The following TCIRG1 variants were observed in gnomAD, a reference collection of about 807,000 sequenced individuals.
TCIRG1 encodes the protein T cell immune regulator 1, ATPase H+ transporting V0 subunit a3.
In TCIRG1, 86 loss-of-function variants were observed where a neutral mutation model predicts 95.5. The ratio of observed to expected loss-of-function variants is 0.90; its 90% confidence interval spans 0.76 to 1.08. TCIRG1 has a LOEUF of 1.08. Among genes scored for constraint, TCIRG1 ranks in the 50% least tolerant of loss-of-function variants. The pLI is 0.00. For missense variants in TCIRG1, 1,069 were observed against 1,140.2 expected, an observed-to-expected ratio of 0.94 and a Z score of 0.90; for synonymous variants, 499 against 501.3, an observed-to-expected ratio of 1.00 and a Z score of 0.06.
chr11:68,040,488 G>A (rs937430324), intron 1 of TCIRG1, among the ~76,000 whole-genome samples: 4 of 152,212 alleles, frequency 2.6e-5, no homozygotes, highest in African/African-American at 7.2e-5. Context: ...CTGGGCAGGC[G>A]GGGCCCTGAC....
At position 68,049,260 on chromosome 11, in the gene TCIRG1, A is replaced by G. The variant is rs886048599; in HGVS notation, c.1853A>G (p.His618Arg). 6.2e-7 allele frequency: 1 copy of G among 1,612,834 alleles called. No individual in the cohort carries two copies. The change falls in exon 15 of 20, where the codon CAC becomes CGC. Residue 618 changes from histidine (H) to arginine (R), a missense_variant. Coordinates refer to ENST00000265686, the MANE Select transcript of TCIRG1 (RefSeq NM_006019.4). ...TTCATCAACATGTTCCTCTTCTCCC[A>G]CAGCCCCAGCAACAGGCTGCTCTAC... ...IHFINMFLFS[H>R]SPSNRLLYPR...
At position 68,045,324 on chromosome 11, in the gene TCIRG1, C is replaced by G. The variant is rs575016615; in HGVS notation, c.1165+222C>G. Among the ~76,000 whole-genome samples the G allele has an allele frequency of 5.3e-5, 8 of 152,358 alleles. No homozygotes were observed. The South Asian group carries it at 8.3e-4, about 16-fold the overall frequency. On this transcript the variant is annotated intron_variant, in intron 10 of 19. Transcript: ENST00000265686. ...CCCCCTTGTTGAGTTTACAAGGGAG[C>G]CGGCACGGGCTTGTGCAAAGAACAG...
In TCIRG1 at chr11:68,047,639, C is replaced by T. The variant is rs188598855; in HGVS notation, c.1306-8C>T. The T allele has an allele frequency of 1.9e-4, 310 of 1,613,194 alleles. 2 individuals are homozygous for T. The highest frequency in any genetic ancestry group is 5.8e-4 in the Admixed American group (35 of 60,028). Reference sequence around the variant, plus strand: ...AGGCAGCCCCTCACCACACCACTGCCCCCCCAGATCTGGCAGACTTTCTTC... The same window carrying T: ...AGGCAGCCCCTCACCACACCACTGCTCCCCCAGATCTGGCAGACTTTCTTC... On this transcript the variant is annotated splice_polypyrimidine_tract_variant and splice_region_variant and intron_variant, in intron 11 of 19. Coordinates refer to ENST00000265686, the MANE Select transcript of TCIRG1 (RefSeq NM_006019.4).
At chr11:68,039,429 A>G (rs1855056693) in intron 1 of TCIRG1, among the ~76,000 whole-genome samples, 1 of 152,120 alleles carries the variant, frequency 6.6e-6, no homozygotes, top group Non-Finnish European at 1.5e-5. Flanking sequence ...CACAACTAGG[A>G]AGTGTCAGAG....
At chr11:68,044,478 C>A in intron 9 of TCIRG1, 134 bp downstream of exon 9, 2 of 738,294 alleles carry the variant, frequency 2.7e-6, no homozygotes, top group Non-Finnish European at 2.3e-6. Flanking sequence ...CAGCCTCCTC[C>A]ATGGCCCACC....
intron 15 of TCIRG1, 61 bp downstream of exon 15, chr11:68,049,355 G>C: frequency 6.7e-7 from 1 of 1,503,038 alleles, no homozygotes; most frequent in Non-Finnish European, 9.0e-7. Flanking sequence ...GCGGTCACAG[G>C]GCCACTGGGA....
At chr11:68,039,289 GGGA>G (rs1038859723) in intron 1 of TCIRG1, among the ~76,000 whole-genome samples, 170 bp downstream of exon 1, 11 of 152,324 alleles carry the variant, frequency 7.2e-5, no homozygotes, top group African/African-American at 2.6e-4. Context: ...GGATCCCCAA[GGGA>G]GGAGGAGAAG....
chr11:68,048,481 A>C (rs749860684), intron 13 of TCIRG1: 10 of 348,828 alleles, frequency 2.9e-5, no homozygotes, highest in Non-Finnish European at 5.6e-5. Flanking sequence ...TTTAGTAGAG[A>C]CAGGGTTTCA....
chr11:68,043,537 C>T (rs762894569), intron 6 of TCIRG1, 34 bp from the exon 7 acceptor site: 21 of 1,591,444 alleles, frequency 1.3e-5, no homozygotes, highest in Middle Eastern at 3.3e-4. Context: ...CTGGGCAGAG[C>T]GGGACCCCAG....
chr11:68,046,989 C>T (rs756763858), intron 10 of TCIRG1: 5 of 435,396 alleles, frequency 1.1e-5, no homozygotes, highest in South Asian at 8.2e-5. Context: ...GGTCACACAG[C>T]TCCTAAGTGG....
chr11:68,046,905 T>C (rs996080712), intron 10 of TCIRG1: 4 of 456,092 alleles, frequency 8.8e-6, no homozygotes, highest in Non-Finnish European at 1.3e-5. Context: ...GGAGAACTTA[T>C]GAAGTGGTCT....
At chr11:68,044,842 G>T in intron 9 of TCIRG1, 116 bp from the exon 10 acceptor site, 1 of 1,327,850 alleles carries the variant, frequency 7.5e-7, no homozygotes, top group Non-Finnish European at 1.1e-6. Context: ...AGAGGGGAAG[G>T]GGCTGCCCAG....
At chr11:68,048,022 G>C (rs755501998) in intron 13 of TCIRG1, 50 bp downstream of exon 13, 1 of 1,518,460 alleles carries the variant, frequency 6.6e-7, no homozygotes, top group Non-Finnish European at 9.1e-7. Flanking sequence ...GCTGGGAGTG[G>C]GGGCTGGGGC....
intron 10 of TCIRG1, among the ~76,000 whole-genome samples, chr11:68,045,680 A>G (rs1358760118): frequency 6.6e-6 from 1 of 152,020 alleles, no homozygotes; most frequent in Non-Finnish European, 1.5e-5. Flanking sequence ...CAGCCTCCCA[A>G]GTAGCTGGGA....
At chr11:68,046,203 C>T (rs1855476642) in intron 10 of TCIRG1, among the ~76,000 whole-genome samples, 1 of 152,180 alleles carries the variant, frequency 6.6e-6, no homozygotes, top group East Asian at 1.9e-4. Flanking sequence ...GGCTGGAAGT[C>T]CAAGACCAAG....
rs932131170 is a variant in TCIRG1, at chr11:68,042,940, T to G, written c.418-6T>G. 1.3e-6 allele frequency: 2 copies of G among 1,552,912 alleles called. No homozygotes were observed. The highest frequency in any genetic ancestry group is 1.4e-5 in the African/African-American group (1 of 73,218). ...CCTAGGGCTCATGGTGCTTCTGGGTTCCTAGCTGGCAGCCGCCCACACAGA... is the reference window on the plus strand; with the variant it reads ...CCTAGGGCTCATGGTGCTTCTGGGTGCCTAGCTGGCAGCCGCCCACACAGA... On this transcript the variant is annotated splice_region_variant and splice_polypyrimidine_tract_variant and intron_variant, in intron 4 of 19. Transcript: ENST00000265686.
rs1415973815 is a variant in TCIRG1 at position 68,044,987 on chromosome 11, C to T, written c.1050C>T (p.His350=). The T allele has an allele frequency of 1.9e-6, 3 of 1,608,772 alleles. No homozygotes were observed. Among genetic ancestry groups the T allele is most frequent in the Admixed American group, 1.7e-5 (1 of 60,032 alleles). ...AGGAGGGAGTGAGTGCCGTGGCTCA[C>T]CGCATCCCCTGCCGGGACATGCCCC... The part of the protein sequence containing the change: ...SMEEGVSAVA[H]RIPCRDMPPT... Residue 350 remains histidine (H), a synonymous_variant, in exon 10 of 20, where the codon CAC becomes CAT. Coordinates refer to ENST00000265686, the MANE Select transcript of TCIRG1 (RefSeq NM_006019.4).
chr11:68,043,141 T>G (rs541001192), intron 5 of TCIRG1, 110 bp downstream of exon 5: 14 of 1,532,622 alleles, frequency 9.1e-6, no homozygotes, highest in African/African-American at 1.4e-5. Flanking sequence ...CTCCCCAGGC[T>G]GGCCCCGCCT....
At chr11:68,045,987 C>A (rs1259624960) in intron 10 of TCIRG1, among the ~76,000 whole-genome samples, 1 of 152,218 alleles carries the variant, frequency 6.6e-6, no homozygotes, top group Non-Finnish European at 1.5e-5. Context: ...GGGCCAGTGT[C>A]CTGGGGCTGG....
Sources: allele counts gnomAD v4.1 joint callset (sites outside exome capture counted in the v4.1 genomes callset), GRCh38; gene constraint gnomAD v4.1.1; transcripts MANE v1.5; gene names NCBI Gene and HGNC (gene_info 2026-07-23, HGNC 2026-07-21).